The following UGP2 variants were observed in gnomAD, a reference collection of about 807,000 sequenced individuals.
The protein encoded by UGP2 is UDP-glucose pyrophosphorylase 2, also known as UTP--glucose-1-phosphate uridylyltransferase.
A neutral mutation model predicts 49.0 loss-of-function variants in UGP2; 40 were observed. The ratio of observed to expected loss-of-function variants is 0.82; its 90% CI spans 0.63 to 1.06. The LOEUF (loss-of-function observed/expected upper bound fraction) is 1.06. Among genes scored for constraint, UGP2 ranks in the 50% least tolerant of loss-of-function variants. The probability of loss-of-function intolerance (pLI) is 0.00; values close to 1 mark genes in which losing one functional copy is unlikely to be tolerated. For missense variants in UGP2, 460 were observed against 603.5 expected (o/e 0.76, Z 2.49); for synonymous variants, 225 against 213.0 (o/e 1.06, Z -0.49).
At chr2:63,882,148 TTGAG>T (rs1184402070) in intron 3 of UGP2, among the ~76,000 whole-genome samples, 1 of 152,190 alleles carries the variant, frequency 6.6e-6, no homozygotes, top group East Asian at 1.9e-4. Context: ...AAAATGGGAA[TTGAG>T]TGTTTGAAGA....
intron 1 of UGP2, among the ~76,000 whole-genome samples, chr2:63,853,610 A>G (rs558072124): frequency 2.6e-5 from 4 of 152,156 alleles, no homozygotes; most frequent in Middle Eastern, 3.4e-3. Context: ...TGGTTTTTCC[A>G]TGGCCTGTGC....
intron 1 of UGP2, among the ~76,000 whole-genome samples, chr2:63,845,890 T>C (rs966774968): frequency 8.5e-5 from 13 of 152,158 alleles, no homozygotes; most frequent in Non-Finnish European, 1.3e-4. Context: ...CGTAAACTAT[T>C]AGGTGGAAAT....
intron 3 of UGP2, among the ~76,000 whole-genome samples, chr2:63,880,176 C>G (rs1030691935): frequency 2.1e-5 from 3 of 146,094 alleles, no homozygotes; most frequent in Non-Finnish European, 4.6e-5. Context: ...TCCCCCTACC[C>G]CTCCCCCCTC....
At chr2:63,877,401 C>T (rs1367575134) in intron 3 of UGP2, among the ~76,000 whole-genome samples, 1 of 152,206 alleles carries the variant, frequency 6.6e-6, no homozygotes, top group Admixed American at 6.5e-5. Flanking sequence ...GGCAATGATG[C>T]CATTTCCTTG....
chr2:63,885,951 A>G, intron 6 of UGP2, 65 bp downstream of exon 6: 1 of 1,470,244 alleles, frequency 6.8e-7, no homozygotes, highest in Non-Finnish European at 9.0e-7. Context: ...ATGAAGTTAA[A>G]GACTTTTTTA....
At chr2:63,855,520 G>GTTTTTGTTTTTTTTTTTTT in intron 1 of UGP2, 1 of 192,240 alleles carries the variant, frequency 5.2e-6, no homozygotes, top group Non-Finnish European at 1.0e-5. Flanking sequence ...TTCTTTTTCT[G>GTTTTTGTTTTTTTTTTTTT]TTTTTTTTTT....
intron 3 of UGP2, among the ~76,000 whole-genome samples, chr2:63,863,593 A>G (rs1025764103): frequency 3.9e-5 from 6 of 152,354 alleles, no homozygotes; most frequent in South Asian, 2.1e-4. Context: ...GCAACTTACA[A>G]TATGTGTTTT....
chr2:63,867,551 C>T (rs1670264283), intron 3 of UGP2, among the ~76,000 whole-genome samples: 1 of 152,170 alleles, frequency 6.6e-6, no homozygotes, highest in Non-Finnish European at 1.5e-5. Flanking sequence ...TGAAGTACCT[C>T]CTCTATGTCA....
At chr2:63,870,373 G>A (rs1670470754) in intron 3 of UGP2, among the ~76,000 whole-genome samples, 1 of 152,180 alleles carries the variant, frequency 6.6e-6, no homozygotes, top group African/African-American at 2.4e-5. Context: ...CCGGGCTTGT[G>A]ATATGTGATT....
chr2:63,849,423 C>T (rs1668896424), intron 1 of UGP2, among the ~76,000 whole-genome samples: 1 of 152,176 alleles, frequency 6.6e-6, no homozygotes, highest in Non-Finnish European at 1.5e-5. Context: ...CACAAGAAAA[C>T]AGAACAACAT....
At chr2:63,847,202 A>G (rs1008027927) in intron 1 of UGP2, among the ~76,000 whole-genome samples, 33 of 152,328 alleles carry the variant, frequency 2.2e-4, no homozygotes, top group African/African-American at 7.7e-4. Flanking sequence ...TTCTGAATAA[A>G]TTGAAAAATG....
chr2:63,849,234 A>T lies in UGP2; in HGVS notation c.19+7030A>T, dbSNP rs571021957. Among the ~76,000 whole-genome samples, 10 of 152,342 alleles carry T rather than the reference A, an allele frequency of 6.6e-5. No homozygotes were observed. In the East Asian group the frequency reaches 1.3e-3, roughly 21 times the overall value. ...GTCTCCTTTTTACTTGCTAGTCAACATATTGTAAAAATACTATTTTAGGGG... is the reference window on the plus strand; with the variant it reads ...GTCTCCTTTTTACTTGCTAGTCAACTTATTGTAAAAATACTATTTTAGGGG... On this transcript the variant is annotated intron_variant, in intron 1 of 9. Coordinates refer to ENST00000337130, the MANE Select transcript of UGP2 (RefSeq NM_006759.4).
chr2:63,877,319 C>G (rs1336007794), intron 3 of UGP2, among the ~76,000 whole-genome samples: 1 of 152,256 alleles, frequency 6.6e-6, no homozygotes, highest in Non-Finnish European at 1.5e-5. Context: ...TTTCCTTCCT[C>G]TCTAATAGTA....
chr2:63,877,760 G>A (rs1220676512), intron 3 of UGP2, among the ~76,000 whole-genome samples: 4 of 152,016 alleles, frequency 2.6e-5, no homozygotes, highest in African/African-American at 4.8e-5. Context: ...TGGGGAGGCC[G>A]AGGCGGGTGG....
Position 63,857,750 on chromosome 2 carries a change from T to C in UGP2, c.148-79T>C, listed in dbSNP as rs1397940583. ...ATTTCATTTAACGATATTTTAAATG[T>C]GTAACTTGTATCTGTCTTTATGTTT... is the stretch of plus-strand genomic sequence containing the variant. On this transcript the variant is annotated intron_variant, in intron 2 of 9. Transcript: ENST00000337130. The C allele has an allele frequency of 1.7e-5, 23 of 1,359,554 alleles. 1 individual carries two copies. In the East Asian group the frequency reaches 3.5e-4, roughly 20 times the overall value. 84.2% of individuals were successfully genotyped at this position (1,359,554 alleles called of 1,614,324 possible).
intron 3 of UGP2, among the ~76,000 whole-genome samples, chr2:63,871,705 C>T (rs1271968924): frequency 6.6e-6 from 1 of 152,154 alleles, no homozygotes; most frequent in Admixed American, 6.5e-5. Flanking sequence ...CATACAAAAG[C>T]CTAGGGGGTT....
At chr2:63,842,343 TCTGAGCTGCC>T in intron 1 of UGP2, 139 bp downstream of exon 1, 1 of 1,603,704 alleles carries the variant, frequency 6.2e-7, no homozygotes, top group East Asian at 2.2e-5. Context: ...TGAATTGTCA[TCTGAGCTGCC>T]TTGAGCTGCT....
At chr2:63,865,315 C>G (rs1575824643) in intron 3 of UGP2, among the ~76,000 whole-genome samples, 2 of 152,168 alleles carry the variant, frequency 1.3e-5, no homozygotes, top group African/African-American at 4.8e-5. Context: ...CCAGCCCTGC[C>G]CAGCTGCCTA....
chr2:63,850,257 C>T (rs568760237), intron 1 of UGP2, among the ~76,000 whole-genome samples: 7 of 152,072 alleles, frequency 4.6e-5, no homozygotes, highest in Non-Finnish European at 1.0e-4. Flanking sequence ...TAGCGAGCTG[C>T]TCTGCATATT....
Sources: gnomAD v4.1 joint callset for allele counts (sites outside exome capture counted in the v4.1 genomes callset) on GRCh38, gnomAD v4.1.1 for gene constraint, MANE v1.5 for transcripts, NCBI Gene and HGNC (gene_info 2026-07-23, HGNC 2026-07-21) for gene names.